The following SCN7A variants were observed in gnomAD, a reference collection of about 807,000 sequenced individuals.
SCN7A encodes sodium channel protein type 7 subunit alpha.
A neutral mutation model predicts 155.2 loss-of-function variants in SCN7A; 138 were observed. The observed-to-expected ratio is 0.89, with a 90% confidence interval of 0.77 to 1.02. The LOEUF is 1.02. Ranked by LOEUF, SCN7A falls within the 50% of genes least tolerant of loss-of-function variation. SCN7A has a pLI of 0.00. For missense variants in SCN7A, 2,058 were observed against 1,986.6 expected (o/e 1.04, Z -0.68); for synonymous variants, 693 against 649.0 (o/e 1.07, Z -1.03).
At chr2:166,467,139 A>T (rs1307117573) in intron 7 of SCN7A, among the ~76,000 whole-genome samples, 1 of 151,906 alleles carries the variant, frequency 6.6e-6, no homozygotes, top group Non-Finnish European at 1.5e-5. Context: ...AATATACTAC[A>T]GTGGTTTACC....
chr2:166,432,312 T>G lies in SCN7A; in HGVS notation c.2592+6A>C, dbSNP rs200727873. ...ACTAAGCAATCAGGATATTTAAACA[T>G]CTTACCTCTTTGCTGCCTCCATCAC... On this transcript the variant is annotated splice_donor_region_variant and intron_variant, in intron 16 of 25. Coordinates refer to ENST00000643258, the MANE Select transcript of SCN7A (RefSeq NM_002976.4). 24 of 1,592,752 alleles carry G rather than the reference T, an allele frequency of 1.5e-5. No individual in the cohort carries two copies. In the African/African-American group the frequency reaches 3.1e-4, roughly 21 times the overall value.
At chr2:166,442,148 T>A (rs1425073607) in intron 14 of SCN7A, among the ~76,000 whole-genome samples, 2 of 152,200 alleles carry the variant, frequency 1.3e-5, no homozygotes, top group African/African-American at 4.8e-5. Flanking sequence ...CAGGATCCAG[T>A]GGATTCTGAT....
At chr2:166,453,149 C>A (rs1274945881) in intron 11 of SCN7A, among the ~76,000 whole-genome samples, 14 of 151,944 alleles carry the variant, frequency 9.2e-5, no homozygotes. Flanking sequence ...TCTACATTTC[C>A]CACTTTGGAG....
chr2:166,442,234 T>A (rs1191826086), intron 14 of SCN7A, among the ~76,000 whole-genome samples: 1 of 152,192 alleles, frequency 6.6e-6, no homozygotes, highest in African/African-American at 2.4e-5. Flanking sequence ...TTATATTGAA[T>A]AGTCCCCTTC....
Position 166,472,340 on chromosome 2 carries a change from G to T in SCN7A, c.549C>A (p.Leu183=). ...FSFLGDPWNW[L]DFSVTVFEVI... ...ACTCAAACACAGTTACGCTGAAATC[G>T]AGCCAGTTCCATGGATCACCGAGGA... is the stretch of plus-strand genomic sequence containing the variant. Residue 183 remains leucine (L), a synonymous_variant, in exon 6 of 26, where the codon CTC becomes CTA. Transcript: ENST00000643258. 3 of 1,607,410 alleles carry T rather than the reference G, an allele frequency of 1.9e-6. No homozygotes were observed. In the South Asian group the frequency reaches 3.3e-5, roughly 18 times the overall value.
intron 15 of SCN7A, 76 bp downstream of exon 15, chr2:166,441,320 A>G (rs933754470): frequency 4.1e-5 from 42 of 1,014,624 alleles, no homozygotes; most frequent in Admixed American, 1.9e-4. Flanking sequence ...ATTAGATCCC[A>G]TCAATGCACA....
intron 13 of SCN7A, among the ~76,000 whole-genome samples, 173 bp from the exon 14 acceptor site, chr2:166,443,849 A>G (rs1483288603): frequency 1.3e-5 from 2 of 152,334 alleles, no homozygotes; most frequent in Non-Finnish European, 2.9e-5. Flanking sequence ...AGACTCATAC[A>G]TTTTATTTAA....
chr2:166,423,423 C>A lies in SCN7A; in HGVS notation c.2863G>T (p.Asp955Tyr). The A allele has an allele frequency of 6.5e-7, 1 of 1,541,168 alleles. No individual in the cohort carries two copies. The highest frequency in any genetic ancestry group is 8.7e-7 in the Non-Finnish European group (1 of 1,150,280). ...LLSTGTLAFE[D>Y]IYMDQRKTIK... Reference sequence around the variant, plus strand: ...GTCTTTCTCTGATCCATATATATATCTTCAAAAGCCTGTGGGTAAAAATAA... The same window carrying A: ...GTCTTTCTCTGATCCATATATATATATTCAAAAGCCTGTGGGTAAAAATAA... The change falls in exon 19 of 26, where the codon GAT becomes TAT. Residue 955 changes from aspartate to tyrosine, a missense_variant. Coordinates refer to ENST00000643258, the MANE Select transcript of SCN7A (RefSeq NM_002976.4).
intron 10 of SCN7A, chr2:166,462,082 C>G (rs1702424135): frequency 5.8e-6 from 1 of 171,896 alleles, no homozygotes. Context: ...GAGTGAGACT[C>G]CGTCTCAAAA....
chr2:166,440,613 A>G (rs569180749), intron 15 of SCN7A: 1 of 152,272 alleles, frequency 6.6e-6, no homozygotes, highest in Non-Finnish European at 1.5e-5. Context: ...TATTTAACAA[A>G]TATATTTAGT....
At chr2:166,452,940 T>G (rs1702203778) in intron 11 of SCN7A, among the ~76,000 whole-genome samples, 1 of 152,204 alleles carries the variant, frequency 6.6e-6, no homozygotes, top group South Asian at 2.1e-4. Flanking sequence ...GTTATTTTAA[T>G]TATCCCTAAA....
rs746480823 is a variant in SCN7A at position 166,443,503 on chromosome 2, C to T, written c.1800G>A (p.Met600Ile). 7.6e-6 allele frequency: 12 copies of T among 1,584,448 alleles called. No homozygotes were observed. The highest frequency in any genetic ancestry group is 9.4e-6 in the Non-Finnish European group (11 of 1,166,566). The change falls in exon 14 of 26, where the codon ATG (methionine) becomes ATA (isoleucine). Residue 600 changes from methionine (M) to isoleucine (I), a missense_variant and splice_region_variant. Met to Ile is a conservative substitution (Grantham distance 10). Transcript: ENST00000643258. ...AAGTTAGGTATTGGATTCTACTTAC[C>T]ATCCTGAATAATCGAAGAAGAGCCA... ...AGMALLRLFR[M>I]LRIFKLGKYW...
At chr2:166,412,505 A>G in intron 23 of SCN7A, 25 bp downstream of exon 23, 1 of 1,396,438 alleles carries the variant, frequency 7.2e-7, no homozygotes, top group South Asian at 1.8e-5. Flanking sequence ...CAGACATTGG[A>G]TAAACAAATA....
chr2:166,423,571 T>G, intron 18 of SCN7A, 139 bp from the exon 19 acceptor site: 2 of 915,514 alleles, frequency 2.2e-6, no homozygotes, highest in Non-Finnish European at 3.0e-6. Flanking sequence ...CAGGGCTGGT[T>G]CACTATGCTT....
intron 25 of SCN7A, among the ~76,000 whole-genome samples, chr2:166,409,008 C>T (rs1396797687): frequency 6.6e-6 from 1 of 151,904 alleles, no homozygotes; most frequent in African/African-American, 2.4e-5. Flanking sequence ...TGCTGCAGCA[C>T]CCTGTGACTT....
intron 12 of SCN7A, 97 bp from the exon 13 acceptor site, chr2:166,445,097 C>T (rs1702034823): frequency 4.3e-6 from 3 of 701,520 alleles, no homozygotes; most frequent in Admixed American, 2.5e-5. Flanking sequence ...GGGTGAATCA[C>T]TTAAGTTCAG....
At chr2:166,472,484 T>A in intron 5 of SCN7A, 39 bp from the exon 6 acceptor site, 1 of 1,444,178 alleles carries the variant, frequency 6.9e-7, no homozygotes, top group South Asian at 1.2e-5. Context: ...TTGGTGAGAA[T>A]AATACATTGT....
rs761425319 is a variant in SCN7A at position 166,445,049 on chromosome 2, C to T, written c.1388-49G>A. On this transcript the variant is annotated intron_variant, in intron 12 of 25. Transcript: ENST00000643258. ...TAAACATTCTGGCCGGGTGCAGTGGCTCATGCCTGTAATCCCAGCACTTTG... is the reference window on the plus strand; with the variant it reads ...TAAACATTCTGGCCGGGTGCAGTGGTTCATGCCTGTAATCCCAGCACTTTG... The T allele has an allele frequency of 4.3e-6, 5 of 1,175,842 alleles. No homozygotes were observed. The African/African-American group carries it at 7.6e-5, about 18-fold the overall frequency. The allele number at this position is 1,175,842 out of a possible 1,614,324, so 72.8% of individuals were successfully genotyped here.
Position 166,465,819 on chromosome 2 carries a change from G to A in SCN7A, c.833C>T (p.Thr278Ile), listed in dbSNP as rs1702520478. 1.2e-6 allele frequency: 2 copies of A among 1,613,710 alleles called. No individual in the cohort carries two copies. Among genetic ancestry groups the A allele is most frequent in the Non-Finnish European group, 1.7e-6 (2 of 1,179,790 alleles). Reference sequence around the variant, plus strand: ...TGGGTTTCCAGTTCTGTTGTGCAGGGTTTCATTTTCATTCTCTTGGGGCCA... The same window carrying A: ...TGGGTTTCCAGTTCTGTTGTGCAGGATTTCATTTTCATTCTCTTGGGGCCA... The part of the protein sequence containing the change: ...FRWPQENENE[T>I]LHNRTGNPYY... The change falls in exon 8 of 26, where the codon ACC (threonine) becomes ATC (isoleucine). Residue 278 changes from threonine to isoleucine, a missense_variant. Coordinates refer to ENST00000643258, the MANE Select transcript of SCN7A (RefSeq NM_002976.4).
Sources: allele counts gnomAD v4.1 joint callset (sites outside exome capture counted in the v4.1 genomes callset), GRCh38; gene constraint gnomAD v4.1.1; transcripts MANE v1.5; gene names NCBI Gene and HGNC (gene_info 2026-07-23, HGNC 2026-07-21).